Variants in UBP1 observed in about 807,000 individuals in gnomAD.
The protein encoded by UBP1 is upstream-binding protein 1.
A neutral mutation model predicts 76.1 loss-of-function variants in UBP1; 22 were observed. The observed-to-expected ratio is 0.29, with a 90% confidence interval of 0.21 to 0.41. UBP1 has a LOEUF of 0.41. UBP1 is among the 10% of genes least tolerant of loss of function. The pLI, the probability that UBP1 is intolerant of heterozygous loss-of-function variation, is 1.00. For missense variants in UBP1, 436 were observed against 668.1 expected (o/e 0.65, Z 3.83); for synonymous variants, 224 against 237.1 (o/e 0.94, Z 0.51).
At chr3:33,436,510 G>A (rs1375802198) in intron 1 of UBP1, among the ~76,000 whole-genome samples, 1 of 151,990 alleles carries the variant, frequency 6.6e-6, no homozygotes, top group Non-Finnish European at 1.5e-5. Context: ...TAACAAACAG[G>A]GCTCAGACAA....
In UBP1 at chr3:33,439,941, G is replaced by C; in HGVS notation, c.-93C>G. 7.1e-7 allele frequency: 1 copy of C among 1,417,942 alleles called. No individual in the cohort carries two copies. The highest frequency in any genetic ancestry group is 9.7e-7 in the Non-Finnish European group (1 of 1,034,790). The allele number at this position is 1,417,942 out of a possible 1,614,324, so 87.8% of individuals were successfully genotyped here. A position where few individuals can be genotyped will look rare whatever the true frequency, so the allele number is the denominator to read the frequency against. On this transcript the variant is annotated 5_prime_UTR_variant, in exon 1 of 16. Coordinates refer to ENST00000283629, the MANE Select transcript of UBP1 (RefSeq NM_014517.5). ...CTGGCGCGTCCTGGGGGAGGGCGCG[G>C]GTGAAGCCTCCGGAGGGGCGGCGAG... is the stretch of plus-strand genomic sequence containing the variant.
At chr3:33,430,572 G>A (rs773422150) in intron 1 of UBP1, among the ~76,000 whole-genome samples, 1 of 152,226 alleles carries the variant, frequency 6.6e-6, no homozygotes, top group Non-Finnish European at 1.5e-5. Flanking sequence ...TCCAGATTTT[G>A]TCTGCTGGTA....
Position 33,402,684 on chromosome 3 carries a change from C to G in UBP1, c.1031+117G>C, listed in dbSNP as rs185320961. 3.2e-4 allele frequency: 219 copies of G among 677,228 alleles called. 1 individual carries two copies. The Middle Eastern group carries it at 0.013, about 39-fold the overall frequency. The allele number at this position is 677,228 out of a possible 1,614,324, so 42.0% of individuals were successfully genotyped here. ...GCCACCAAGATACAGGATACTTCCC[C>G]TTACTGTTTCCTTTAGGTACAATAC... On this transcript the variant is annotated intron_variant, in intron 9 of 15. Coordinates refer to ENST00000283629, the MANE Select transcript of UBP1 (RefSeq NM_014517.5).
At chr3:33,426,368 G>A (rs938002161) in intron 1 of UBP1, among the ~76,000 whole-genome samples, 1 of 151,982 alleles carries the variant, frequency 6.6e-6, no homozygotes, top group Non-Finnish European at 1.5e-5. Flanking sequence ...GCACTGATTG[G>A]GAGAATGATG....
At chr3:33,425,569 A>G in intron 2 of UBP1, 21 bp downstream of exon 2, 19 of 1,491,672 alleles carry the variant, frequency 1.3e-5, no homozygotes, top group Non-Finnish European at 1.5e-5. Flanking sequence ...TACATGTCAA[A>G]TGTGACATAA....
At chr3:33,439,119 G>A (rs997473058) in intron 1 of UBP1, among the ~76,000 whole-genome samples, 10 of 152,158 alleles carry the variant, frequency 6.6e-5, no homozygotes, top group Non-Finnish European at 1.3e-4. Flanking sequence ...AATTATTTGT[G>A]GTGCAATCAC....
At chr3:33,420,009 A>G (rs980455474) in intron 2 of UBP1, among the ~76,000 whole-genome samples, 4 of 152,196 alleles carry the variant, frequency 2.6e-5, no homozygotes, top group Non-Finnish European at 4.4e-5. Flanking sequence ...GTTGAAAAAT[A>G]TAACTGTTGT....
rs370036966 is a variant in UBP1, at chr3:33,402,848, C to T, written c.984G>A (p.Ala328=). Residue 328 remains alanine, a synonymous_variant, in exon 9 of 16, where the codon GCG becomes GCA. Coordinates refer to ENST00000283629, the MANE Select transcript of UBP1 (RefSeq NM_014517.5). The part of the protein sequence containing the change: ...TAYVNNSPSP[A]PTFTSPQQST... ...TCTGCTGTGGGGAGGTGAAAGTGGG[C>T]GCTGGGGAAGGGCTGTTATTCACAT... is the stretch of plus-strand genomic sequence containing the variant. The T allele has an allele frequency of 1.4e-5, 23 of 1,608,096 alleles. No homozygotes were observed. The highest frequency in any genetic ancestry group is 2.0e-5 in the Non-Finnish European group (23 of 1,177,790).
Position 33,388,582 on chromosome 3 carries a change from A to T in UBP1, c.*1749T>A, listed in dbSNP as rs2043612453. ...ATTAAATGACATTTATTGTTCCATA[A>T]ATCTTGAGACCCAAAAAGGAATGCT... On this transcript the variant is annotated 3_prime_UTR_variant, in exon 16 of 16. Coordinates refer to ENST00000283629, the MANE Select transcript of UBP1 (RefSeq NM_014517.5). The T allele has an allele frequency of 6.6e-6, 1 of 152,522 alleles. No individual in the cohort carries two copies. The highest frequency in any genetic ancestry group is 6.5e-5 in the Admixed American group (1 of 15,282). The allele number at this position is 152,522 out of a possible 1,614,324, so 9.4% of individuals were successfully genotyped here.
chr3:33,402,382 A>G (rs1180122160), intron 9 of UBP1, among the ~76,000 whole-genome samples: 2 of 152,234 alleles, frequency 1.3e-5, no homozygotes, highest in African/African-American at 2.4e-5. Context: ...AAAAAATAGC[A>G]TATCTATTGG....
intron 3 of UBP1, chr3:33,415,960 T>A (rs2044717767): frequency 6.6e-6 from 1 of 152,152 alleles, no homozygotes; most frequent in Admixed American, 6.6e-5. Context: ...AAATTTAGAT[T>A]GCCTGAATCC....
chr3:33,427,545 T>C (rs2045038888), intron 1 of UBP1, among the ~76,000 whole-genome samples: 1 of 152,226 alleles, frequency 6.6e-6, no homozygotes. Context: ...AGCTGTTCAC[T>C]AAGATACTTG....
At chr3:33,392,523 A>G (rs757183013) in intron 15 of UBP1, 40 bp downstream of exon 15, 2 of 1,575,318 alleles carry the variant, frequency 1.3e-6, no homozygotes, top group Admixed American at 1.8e-5. Context: ...ACCATCTCTC[A>G]TGATTCCAGC....
rs1049776140 is a variant in UBP1 at position 33,388,679 on chromosome 3, CAT to C, written c.*1650_*1651del. The C allele has an allele frequency of 2.6e-5, 4 of 152,112 alleles. No individual in the cohort carries two copies. Among genetic ancestry groups the C allele is most frequent in the African/African-American group, 9.7e-5 (4 of 41,400 alleles). The allele number at this position is 152,112 out of a possible 1,614,324, so 9.4% of individuals were successfully genotyped here. Reference sequence around the variant, plus strand: ...TTTCCCCAGTGACTGGTACAGAAAACATGTGGTCACACGAAAGCAAAGGGAAA... The same window carrying C: ...TTTCCCCAGTGACTGGTACAGAAAACGTGGTCACACGAAAGCAAAGGGAAA... On this transcript the variant is annotated 3_prime_UTR_variant, in exon 16 of 16. Transcript: ENST00000283629.
At chr3:33,397,164 A>C (rs748953921) in intron 11 of UBP1, 29 bp from the exon 12 acceptor site, 2 of 1,519,894 alleles carry the variant, frequency 1.3e-6, no homozygotes, top group Non-Finnish European at 8.9e-7. Flanking sequence ...ATTTTTCTCA[A>C]ATAAATGGAA....
At chr3:33,430,024 G>A (rs1228643916) in intron 1 of UBP1, among the ~76,000 whole-genome samples, 1 of 152,192 alleles carries the variant, frequency 6.6e-6, no homozygotes, top group African/African-American at 2.4e-5. Context: ...ACAACATAGA[G>A]AACTGTTTAG....
At position 33,425,632 on chromosome 3, in the gene UBP1, C is replaced by G. The variant is rs2044997360; in HGVS notation, c.223G>C (p.Ala75Pro). The G allele has an allele frequency of 6.3e-7, 1 of 1,586,856 alleles. No homozygotes were observed. Among genetic ancestry groups the G allele is most frequent in the Non-Finnish European group, 8.6e-7 (1 of 1,159,680 alleles). ...AGCGTTTCATCATGCAGTTTTACTG[C>G]TGGTGACGTTGCAGCACACATCACA... ...QYVMCAATSP[A>P]VKLHDETLTY... Residue 75 changes from alanine (A) to proline (P), a missense_variant, in exon 2 of 16, where the codon GCA becomes CCA. Around this residue, in one of 3 missense-constraint regions of UBP1, gnomAD observed 161 missense variants for 237.9 expected, o/e 0.68. Transcript: ENST00000283629.
chr3:33,394,776 C>T (rs1281776077), intron 13 of UBP1, among the ~76,000 whole-genome samples: 2 of 149,714 alleles, frequency 1.3e-5, no homozygotes, highest in African/African-American at 4.9e-5. Flanking sequence ...GCAGGTGTCA[C>T]CAAACCACAG....
chr3:33,421,652 T>G (rs1364244552), intron 2 of UBP1, among the ~76,000 whole-genome samples: 1 of 152,340 alleles, frequency 6.6e-6, no homozygotes, highest in South Asian at 2.1e-4. Flanking sequence ...TCAATACAAC[T>G]AGGAAAACTT....
Sources: gnomAD v4.1 joint callset for allele counts (sites outside exome capture counted in the v4.1 genomes callset) on GRCh38, gnomAD v4.1.1 for gene constraint, gnomAD v4.1.1 regional missense constraint, MANE v1.5 for transcripts, NCBI Gene and HGNC (gene_info 2026-07-23, HGNC 2026-07-21) for gene names.